CREB5: variants seen among roughly 807,000 people sequenced by gnomAD.
CREB5 encodes cyclic AMP-responsive element-binding protein 5.
Under a neutral mutation model 57.1 loss-of-function variants are expected in CREB5, and 19 were observed. The ratio of observed to expected loss-of-function variants is 0.33; its 90% confidence interval spans 0.23 to 0.49. The LOEUF (loss-of-function observed/expected upper bound fraction) is 0.49, where lower values mean the gene tolerates loss of function less well. CREB5 is among the 20% of genes least tolerant of loss of function. CREB5 has a pLI of 0.99. For synonymous variants in CREB5, 238 were observed against 238.3 expected (o/e 1.00, Z 0.01); for missense variants, 579 against 671.6 (o/e 0.86, Z 1.52).
chr7:28,568,084 A>C (rs1795552308), intron 4 of CREB5, among the ~76,000 whole-genome samples: 1 of 152,208 alleles, frequency 6.6e-6, no homozygotes, highest in Non-Finnish European at 1.5e-5. Flanking sequence ...AGATGATGGC[A>C]GTTGGTTATA....
chr7:28,669,577 A>G (rs891396100), intron 5 of CREB5, among the ~76,000 whole-genome samples: 1 of 151,932 alleles, frequency 6.6e-6, no homozygotes, highest in Non-Finnish European at 1.5e-5. Flanking sequence ...GGCTTACAAC[A>G]CTTCTGAAAA....
At chr7:28,436,451 A>G (rs1181453068) in intron 1 of CREB5, among the ~76,000 whole-genome samples, 2 of 152,052 alleles carry the variant, frequency 1.3e-5, no homozygotes, top group African/African-American at 4.8e-5. Flanking sequence ...CCCTCTTACT[A>G]CTTATCTGTG....
chr7:28,687,762 T>C (rs183369932), intron 5 of CREB5, among the ~76,000 whole-genome samples: 1 of 152,172 alleles, frequency 6.6e-6, no homozygotes, highest in Non-Finnish European at 1.5e-5. Context: ...CTTTCCTCCT[T>C]TTTTGGGCAG....
chr7:28,370,065 A>G (rs1786676635), intron 1 of CREB5, among the ~76,000 whole-genome samples: 1 of 152,212 alleles, frequency 6.6e-6, no homozygotes, highest in Non-Finnish European at 1.5e-5. Context: ...AGTGAGAATT[A>G]CTATAATGTC....
intron 1 of CREB5, among the ~76,000 whole-genome samples, chr7:28,432,365 T>G (rs1788755029): frequency 6.6e-6 from 1 of 152,216 alleles, no homozygotes. Context: ...GCAGCAATCA[T>G]TTTTCGGTTG....
chr7:28,496,188 A>G (rs759167677), intron 3 of CREB5, among the ~76,000 whole-genome samples: 8 of 152,214 alleles, frequency 5.3e-5, no homozygotes, highest in Non-Finnish European at 1.2e-4. Context: ...TAACAGGATA[A>G]TCAAATAGTT....
At chr7:28,595,980 G>A (rs146334144) in intron 5 of CREB5, among the ~76,000 whole-genome samples, 28 of 152,250 alleles carry the variant, frequency 1.8e-4, no homozygotes, top group East Asian at 5.8e-4. Flanking sequence ...CACTTTCATC[G>A]TGCTTACCAT....
intron 7 of CREB5, among the ~76,000 whole-genome samples, chr7:28,735,940 G>T (rs942447441): frequency 3.9e-5 from 6 of 151,950 alleles, no homozygotes; most frequent in Non-Finnish European, 5.9e-5. Context: ...AAGTAGCTGG[G>T]ACTACAGGCA....
chr7:28,545,369 A>G (rs1794373249), intron 4 of CREB5, among the ~76,000 whole-genome samples: 1 of 152,228 alleles, frequency 6.6e-6, no homozygotes, highest in African/African-American at 2.4e-5. Flanking sequence ...TGTGTAAGTT[A>G]CTTCATTGAT....
chr7:28,644,188 AGGAAGGGAAG>A (rs200163074), intron 5 of CREB5, among the ~76,000 whole-genome samples: 1 of 152,026 alleles, frequency 6.6e-6, no homozygotes, highest in Non-Finnish European at 1.5e-5. Flanking sequence ...AAAAAGGGAA[AGGAAGGGAAG>A]GGAAGGGAAG....
rs73308866 is a variant in CREB5 at position 28,796,626 on chromosome 7, T to G, written c.703-7573T>G. Among the ~76,000 whole-genome samples the G allele has an allele frequency of 6.4e-3, 978 of 152,352 alleles. 14 individuals carry two copies. Among genetic ancestry groups the G allele is most frequent in the African/African-American group, 0.023 (940 of 41,582 alleles). ...GCTTTAAAACCAAGACTTCTCACTC[T>G]AAGTCTTCTGTTGTTTTTCTGAAGT... is the stretch of plus-strand genomic sequence containing the variant. On this transcript the variant is annotated intron_variant, in intron 7 of 10. Coordinates refer to ENST00000357727, the MANE Select transcript of CREB5 (RefSeq NM_182898.4).
chr7:28,543,578 T>TAA (rs34533813), intron 4 of CREB5, among the ~76,000 whole-genome samples: 9,151 of 92,090 alleles, frequency 0.099, 533 homozygotes, highest in Non-Finnish European at 0.12. Context: ...TCATTTTAGG[T>TAA]AAAAAAAAAA....
intron 5 of CREB5, among the ~76,000 whole-genome samples, chr7:28,630,142 G>A (rs1798150228): frequency 6.6e-6 from 1 of 152,182 alleles, no homozygotes; most frequent in Non-Finnish European, 1.5e-5. Flanking sequence ...CTACTTCTAT[G>A]GAGCCAGTTA....
chr7:28,710,471 G>A (rs1403189392), intron 5 of CREB5, among the ~76,000 whole-genome samples: 1 of 152,172 alleles, frequency 6.6e-6, no homozygotes, highest in Non-Finnish European at 1.5e-5. Flanking sequence ...GCTGGGAGAA[G>A]AGACATTTTT....
chr7:28,560,901 C>CGTGTGTGTGCGTGTGTGTGT (rs1368518820), intron 4 of CREB5, among the ~76,000 whole-genome samples: 1 of 21,650 alleles, frequency 4.6e-5, no homozygotes, highest in African/African-American at 1.4e-4. Context: ...TGTGTGCGTG[C>CGTGTGTGTGCGTGTGTGTGT]GCGCGTGCGT....
At chr7:28,477,847 G>A (rs531139905) in intron 1 of CREB5, among the ~76,000 whole-genome samples, 1 of 152,302 alleles carries the variant, frequency 6.6e-6, no homozygotes, top group South Asian at 2.1e-4. Context: ...GGGCATGGTG[G>A]CTCACACCTA....
At chr7:28,441,581 GT>G (rs1252893278) in intron 1 of CREB5, among the ~76,000 whole-genome samples, 1 of 151,992 alleles carries the variant, frequency 6.6e-6, no homozygotes, top group Non-Finnish European at 1.5e-5. Context: ...TGATGTTATT[GT>G]TCTTTGAAAA....
intron 1 of CREB5, among the ~76,000 whole-genome samples, chr7:28,429,025 T>A (rs926211279): frequency 2.0e-5 from 3 of 152,042 alleles, no homozygotes; most frequent in Non-Finnish European, 2.9e-5. Context: ...TAGTTTAATT[T>A]AAAAAAAAGT....
intron 5 of CREB5, among the ~76,000 whole-genome samples, chr7:28,642,991 C>CACACACACACAT (rs1798735591): frequency 7.8e-4 from 89 of 114,578 alleles, no homozygotes; most frequent in Non-Finnish European, 1.2e-3. Context: ...CACACATACA[C>CACACACACACAT]ACACACACAC....
Sources: allele counts gnomAD v4.1 joint callset (sites outside exome capture counted in the v4.1 genomes callset), GRCh38; gene constraint gnomAD v4.1.1; transcripts MANE v1.5; gene names NCBI Gene and HGNC (gene_info 2026-07-23, HGNC 2026-07-21).